Variants in STRADA observed in about 807,000 individuals in gnomAD.
STRADA encodes STE20-related kinase adapter protein alpha.
Under a neutral mutation model 55.0 loss-of-function variants are expected in STRADA, and 26 were observed. The ratio of observed to expected loss-of-function variants is 0.47; its 90% confidence interval spans 0.35 to 0.66. The LOEUF (loss-of-function observed/expected upper bound fraction) is 0.66, where lower values mean the gene tolerates loss of function less well. Among genes scored for constraint, STRADA ranks in the 30% least tolerant of loss-of-function variants. The pLI is 0.01. For missense variants in STRADA, 443 were observed against 549.7 expected (o/e 0.81, Z 1.94); for synonymous variants, 197 against 210.9 (o/e 0.93, Z 0.57).
chr17:63,711,249 G>A (rs1181942620), intron 6 of STRADA, among the ~76,000 whole-genome samples: 1 of 152,196 alleles, frequency 6.6e-6, no homozygotes, highest in Admixed American at 6.5e-5. Context: ...TGCCCAGGCT[G>A]GTCTCAAACT....
Position 63,710,527 on chromosome 17 carries a change from G to A in STRADA, c.545C>T (p.Ala182Val). 1.9e-6 allele frequency: 3 copies of A among 1,613,884 alleles called. No individual in the cohort carries two copies. The highest frequency in any genetic ancestry group is 2.5e-6 in the Non-Finnish European group (3 of 1,179,870). Residue 182 changes from alanine (A) to valine (V), a missense_variant, in exon 8 of 13, where the codon GCC becomes GTC. Ala to Val is a moderately conservative substitution (Grantham distance 64, BLOSUM62 0). Transcript: ENST00000336174. ...TCCCATGTGGTGGATGTAGTCGAGG[G>A]CCTTCAGCACCCCCTGCAGGATGTA... is the stretch of plus-strand genomic sequence containing the variant. ...IAYILQGVLK[A>V]LDYIHHMGYV...
intron 1 of STRADA, among the ~76,000 whole-genome samples, chr17:63,730,326 C>T (rs1042920429): frequency 1.3e-5 from 2 of 151,908 alleles, no homozygotes; most frequent in African/African-American, 4.8e-5. Context: ...TGGAAGTTGC[C>T]TTCATAGGGC....
chr17:63,707,391 G>C lies in STRADA; in HGVS notation c.609C>G (p.Ile203Met). ...ACAGGTAGACCTTCCCATCCACAGA[G>C]ATCAGGATGTGGCTGGCTTTGACAC... Reference protein sequence around the residue: ...HRSVKASHILISVDGKVYLSG... With the variant: ...HRSVKASHILMSVDGKVYLSG... Residue 203 changes from isoleucine to methionine, a missense_variant, in exon 9 of 13, where the codon ATC (isoleucine) becomes ATG (methionine). Ile to Met is a conservative substitution (Grantham distance 10). Transcript: ENST00000336174. The C allele has an allele frequency of 6.2e-7, 1 of 1,614,136 alleles. No individual in the cohort carries two copies. The highest frequency in any genetic ancestry group is 1.7e-5 in the Admixed American group (1 of 60,006).
intron 4 of STRADA, among the ~76,000 whole-genome samples, chr17:63,721,414 CAAA>C (rs34413372): frequency 1.0e-4 from 14 of 133,594 alleles, no homozygotes; most frequent in Admixed American, 7.5e-5. Flanking sequence ...AGCTCCATCT[CAAA>C]AAAAAAAAAA....
At chr17:63,705,798 G>A (rs1248570326) in intron 10 of STRADA, 2 of 152,464 alleles carry the variant, frequency 1.3e-5, no homozygotes, top group African/African-American at 2.4e-5. Flanking sequence ...ACATGCTGCT[G>A]TCTGCCGAGA....
intron 4 of STRADA, among the ~76,000 whole-genome samples, chr17:63,716,691 C>T (rs1382878052): frequency 2.0e-5 from 3 of 152,158 alleles, no homozygotes; most frequent in African/African-American, 7.2e-5. Context: ...GGAAATGCAG[C>T]ACACTCTCTC....
chr17:63,716,177 G>A lies in STRADA; in HGVS notation c.124-2069C>T, dbSNP rs2036869544. Among the ~76,000 whole-genome samples the A allele has an allele frequency of 2.0e-5, 3 of 149,070 alleles. No individual in the cohort carries two copies. In the Admixed American group the frequency reaches 2.0e-4, roughly 10 times the overall value. On this transcript the variant is annotated intron_variant, in intron 4 of 12. Coordinates refer to ENST00000336174, the MANE Select transcript of STRADA (RefSeq NM_001003787.4). Reference sequence around the variant, plus strand: ...GTGGCACGATCTTGGCTCAATGCAAGCTCCGCCTCCTGGGTCCAAGCAATT... The same window carrying A: ...GTGGCACGATCTTGGCTCAATGCAAACTCCGCCTCCTGGGTCCAAGCAATT...
chr17:63,721,324 A>T (rs2037303243), intron 4 of STRADA, among the ~76,000 whole-genome samples: 1 of 151,238 alleles, frequency 6.6e-6, no homozygotes, highest in East Asian at 2.0e-4. Flanking sequence ...GTGAGCCGAG[A>T]TCATGCCATT....
At chr17:63,715,036 T>C (rs1396952107) in intron 4 of STRADA, among the ~76,000 whole-genome samples, 1 of 152,190 alleles carries the variant, frequency 6.6e-6, no homozygotes, top group Non-Finnish European at 1.5e-5. Flanking sequence ...GCTGCACTCA[T>C]AAACCTGACC....
chr17:63,710,481 A>G lies in STRADA; in HGVS notation c.581+10T>C. 1 of 1,613,166 alleles carries G rather than the reference A, an allele frequency of 6.2e-7. No homozygotes were observed. The highest frequency in any genetic ancestry group is 2.2e-5 in the East Asian group (1 of 44,876). On this transcript the variant is annotated intron_variant, in intron 8 of 12. Coordinates refer to ENST00000336174, the MANE Select transcript of STRADA (RefSeq NM_001003787.4). ...ACTGTAATCATGGGAAAGGCCGCCT[A>G]AGAACGCACCTGTGTACATATCCCA...
At chr17:63,721,751 T>C (rs1312246334) in intron 4 of STRADA, among the ~76,000 whole-genome samples, 3 of 152,058 alleles carry the variant, frequency 2.0e-5, no homozygotes, top group Non-Finnish European at 4.4e-5. Context: ...TAAAGTTCTT[T>C]ATGAAACTGG....
intron 1 of STRADA, among the ~76,000 whole-genome samples, chr17:63,729,823 A>G (rs1180297246): frequency 1.4e-5 from 2 of 147,684 alleles, no homozygotes; most frequent in Admixed American, 1.3e-4. Flanking sequence ...AAAAAAAACC[A>G]TGTCTCTTTT....
intron 4 of STRADA, chr17:63,715,634 AAC>A (rs909409399): frequency 6.6e-6 from 1 of 152,072 alleles, no homozygotes; most frequent in African/African-American, 2.4e-5. Context: ...GTGGTTTCAA[AAC>A]AGTTGATGCT....
intron 1 of STRADA, among the ~76,000 whole-genome samples, chr17:63,739,031 T>C (rs2038663602): frequency 6.7e-6 from 1 of 149,320 alleles, no homozygotes; most frequent in East Asian, 2.0e-4. Context: ...CGGGCGCCTG[T>C]AGTCCCAGCT....
intron 4 of STRADA, among the ~76,000 whole-genome samples, chr17:63,719,303 G>A (rs923058486): frequency 6.6e-6 from 1 of 152,070 alleles, no homozygotes; most frequent in Non-Finnish European, 1.5e-5. Context: ...GTAACAATAT[G>A]GCCTCAATGA....
chr17:63,739,808 T>C (rs961123845), intron 1 of STRADA, among the ~76,000 whole-genome samples: 4 of 140,814 alleles, frequency 2.8e-5, no homozygotes, highest in East Asian at 2.1e-4. Context: ...ATTATATGTA[T>C]ATACATATAA....
In STRADA at chr17:63,703,362, C is replaced by A. The variant is rs181145421; in HGVS notation, c.*237G>T. ...CCTGAGCTCACAGGACTGGGAATGT[C>A]GGCTTTGGACCCTCCTGATCCCTGG... On this transcript the variant is annotated 3_prime_UTR_variant, in exon 13 of 13. Transcript: ENST00000336174. 3 of 459,728 alleles carry A rather than the reference C, an allele frequency of 6.5e-6. No individual in the cohort carries two copies. Among genetic ancestry groups the A allele is most frequent in the Non-Finnish European group, 1.2e-5 (3 of 258,156 alleles). The allele number at this position is 459,728 out of a possible 1,614,324, so 28.5% of individuals were successfully genotyped here.
rs540861054 is a variant in STRADA at position 63,703,279 on chromosome 17, G to T, written c.*320C>A. The T allele has an allele frequency of 4.0e-6, 1 of 250,842 alleles. No individual in the cohort carries two copies. The highest frequency in any genetic ancestry group is 2.2e-5 in the African/African-American group (1 of 44,568). 15.5% of individuals were successfully genotyped at this position (250,842 alleles called of 1,614,324 possible). ...CCTCGGGTTTAAGGAGCCAAACCCTGGGCTTGGAATTCAGCTCCCAGGGCC... is the reference window on the plus strand; with the variant it reads ...CCTCGGGTTTAAGGAGCCAAACCCTTGGCTTGGAATTCAGCTCCCAGGGCC... On this transcript the variant is annotated 3_prime_UTR_variant, in exon 13 of 13. Transcript: ENST00000336174.
At chr17:63,730,625 T>C (rs2037971885) in intron 1 of STRADA, among the ~76,000 whole-genome samples, 1 of 151,784 alleles carries the variant, frequency 6.6e-6, no homozygotes, top group Non-Finnish European at 1.5e-5. Flanking sequence ...GGCGCGATCC[T>C]GGCTCACTGC....
Sources: allele counts gnomAD v4.1 joint callset (sites outside exome capture counted in the v4.1 genomes callset), GRCh38; gene constraint gnomAD v4.1.1; transcripts MANE v1.5; gene names NCBI Gene and HGNC (gene_info 2026-07-23, HGNC 2026-07-21).